The following STIM1 variants were observed in gnomAD, a reference collection of about 807,000 sequenced individuals.
The protein encoded by STIM1 is stromal interaction molecule 1.
Under a neutral mutation model 74.7 loss-of-function variants are expected in STIM1, and 25 were observed. The ratio of observed to expected loss-of-function variants is 0.33; its 90% CI spans 0.24 to 0.47. The LOEUF (loss-of-function observed/expected upper bound fraction) is 0.47. STIM1 is among the 20% of genes least tolerant of loss of function. The pLI is 1.00. For missense variants in STIM1, 728 were observed against 920.8 expected (o/e 0.79, Z 2.71); for synonymous variants, 328 against 348.8 (o/e 0.94, Z 0.66).
At chr11:3,989,170 G>T in intron 2 of STIM1, 1 of 1,139,618 alleles carries the variant, frequency 8.8e-7, no homozygotes, top group Non-Finnish European at 1.3e-6. Context: ...TTCAGACTTG[G>T]CTTCCTTCTC....
chr11:4,055,805 T>G (rs1390938961), intron 4 of STIM1, among the ~76,000 whole-genome samples, 168 bp downstream of exon 4: 1 of 152,232 alleles, frequency 6.6e-6, no homozygotes, highest in Non-Finnish European at 1.5e-5. Flanking sequence ...TAAAGTATGA[T>G]GGGCGCTTTG....
chr11:4,035,343 A>G (rs550236475), intron 3 of STIM1, among the ~76,000 whole-genome samples: 2 of 151,830 alleles, frequency 1.3e-5, no homozygotes, highest in African/African-American at 4.8e-5. Flanking sequence ...GTGAAGACAC[A>G]ATTAATGGCA....
At chr11:4,081,221 T>C (rs373348316) in intron 7 of STIM1, among the ~76,000 whole-genome samples, 2 of 152,204 alleles carry the variant, frequency 1.3e-5, no homozygotes, top group African/African-American at 2.4e-5. Context: ...GGTAGGAGAA[T>C]TGGAGATCAC....
chr11:4,051,517 G>T (rs866094681), intron 3 of STIM1, among the ~76,000 whole-genome samples: 4 of 150,994 alleles, frequency 2.6e-5, no homozygotes, highest in African/African-American at 4.9e-5. Context: ...TAATTTCTGT[G>T]TTTTTAATAG....
chr11:4,021,695 AT>A (rs570668492), intron 2 of STIM1, among the ~76,000 whole-genome samples: 9 of 151,358 alleles, frequency 5.9e-5, no homozygotes, highest in Middle Eastern at 3.4e-3. Flanking sequence ...GAATTTTAGG[AT>A]TTTTTTTTCT....
chr11:3,864,574 G>A (rs1361408609), intron 1 of STIM1, among the ~76,000 whole-genome samples: 1 of 152,248 alleles, frequency 6.6e-6, no homozygotes, highest in Non-Finnish European at 1.5e-5. Context: ...GAGCGCAAGA[G>A]AGAGTGCCTA....
At chr11:3,875,259 G>A (rs535099810) in intron 1 of STIM1, among the ~76,000 whole-genome samples, 2 of 152,266 alleles carry the variant, frequency 1.3e-5, no homozygotes, top group Non-Finnish European at 2.9e-5. Context: ...CACTTCACAG[G>A]ATAAAGGCTT....
chr11:4,034,144 G>T (rs112930696), intron 3 of STIM1, among the ~76,000 whole-genome samples: 14 of 151,862 alleles, frequency 9.2e-5, no homozygotes, highest in African/African-American at 3.4e-4. Context: ...CAGGAGAATC[G>T]CTTGAACCCA....
chr11:4,091,523 A>G lies in STIM1; in HGVS notation c.1876A>G (p.Ser626Gly), dbSNP rs2094525134. Residue 626 changes from serine to glycine, a missense_variant, in exon 13 of 13, where the codon AGC becomes GGC. Coordinates refer to ENST00000526596, the MANE Select transcript of STIM1 (RefSeq NM_001382567.1). ...GAACCATGGGCTGGACAAGGCCCAC[A>G]GCCTGATGGAGCTGAGCCCCTCAGC... ...ALNHGLDKAH[S>G]LMELSPSAPP... is the part of the protein sequence containing the mutation. 3 of 1,614,194 alleles carry G rather than the reference A, an allele frequency of 1.9e-6. 1 individual carries two copies. The South Asian group carries it at 3.3e-5, about 18-fold the overall frequency.
intron 1 of STIM1, among the ~76,000 whole-genome samples, chr11:3,934,962 G>A (rs979637229): frequency 3.3e-5 from 5 of 152,218 alleles, no homozygotes; most frequent in Admixed American, 3.3e-4. Flanking sequence ...GGCCCTGTGG[G>A]GCAGTGCAAG....
At chr11:3,999,171 C>T (rs751788707) in intron 2 of STIM1, among the ~76,000 whole-genome samples, 2 of 152,104 alleles carry the variant, frequency 1.3e-5, no homozygotes, top group Non-Finnish European at 2.9e-5. Flanking sequence ...TATGGTAAGA[C>T]CCTGTCTCTA....
chr11:3,895,628 T>C (rs1252336281), intron 1 of STIM1, among the ~76,000 whole-genome samples: 2 of 4,982 alleles, frequency 4.0e-4, no homozygotes, highest in Admixed American at 3.1e-3. Context: ...CTTTCTTTCT[T>C]TCTTTCTTTC....
chr11:4,081,606 C>T (rs1292631559), intron 7 of STIM1, among the ~76,000 whole-genome samples: 1 of 152,234 alleles, frequency 6.6e-6, no homozygotes, highest in Non-Finnish European at 1.5e-5. Flanking sequence ...CTTCACATAA[C>T]TCCCATGACA....
intron 1 of STIM1, among the ~76,000 whole-genome samples, chr11:3,947,991 T>G (rs2093100436): frequency 6.6e-6 from 1 of 152,196 alleles, no homozygotes; most frequent in Non-Finnish European, 1.5e-5. Flanking sequence ...TTAATTCTGT[T>G]CTTGTGGAGA....
chr11:3,861,890 G>C (rs941331506), intron 1 of STIM1, among the ~76,000 whole-genome samples: 1 of 152,096 alleles, frequency 6.6e-6, no homozygotes, highest in Non-Finnish European at 1.5e-5. Flanking sequence ...TACAGGACTT[G>C]AGTTTCAGAC....
intron 1 of STIM1, among the ~76,000 whole-genome samples, chr11:3,938,089 A>G (rs534142313): frequency 1.3e-5 from 2 of 152,106 alleles, no homozygotes; most frequent in East Asian, 3.9e-4. Flanking sequence ...GCCCACCACC[A>G]CACCCAGCTA....
At chr11:3,916,450 ATTT>A (rs113404071) in intron 1 of STIM1, among the ~76,000 whole-genome samples, 54 of 126,032 alleles carry the variant, frequency 4.3e-4, no homozygotes, top group East Asian at 1.6e-3. Context: ...ACCACACCCA[ATTT>A]TTTTTTTTTT....
At chr11:4,089,598 G>A (rs2094511825) in intron 12 of STIM1, among the ~76,000 whole-genome samples, 1 of 152,206 alleles carries the variant, frequency 6.6e-6, no homozygotes. Flanking sequence ...TTTGTAGAAT[G>A]GAAGCTGAGT....
In STIM1 at chr11:4,004,990, C is replaced by A. The variant is rs144856775; in HGVS notation, c.271-18883C>A. Among the ~76,000 whole-genome samples the A allele has an allele frequency of 3.1e-4, 47 of 152,336 alleles. No individual in the cohort carries two copies. In the East Asian group the frequency reaches 8.9e-3, roughly 29 times the overall value. ...AAAAAACACATGAGAAAATGCTCATCATCACTGGTCATCAGAGAAATGCAA... is the reference window on the plus strand; with the variant it reads ...AAAAAACACATGAGAAAATGCTCATAATCACTGGTCATCAGAGAAATGCAA... On this transcript the variant is annotated intron_variant, in intron 2 of 12. Coordinates refer to ENST00000526596, the MANE Select transcript of STIM1 (RefSeq NM_001382567.1).
Sources: allele counts gnomAD v4.1 joint callset (sites outside exome capture counted in the v4.1 genomes callset), GRCh38; gene constraint gnomAD v4.1.1; transcripts MANE v1.5; gene names NCBI Gene and HGNC (gene_info 2026-07-23, HGNC 2026-07-21).